Variants in MMAA observed in about 807,000 individuals in gnomAD.
The protein encoded by MMAA is metabolism of cobalamin associated A.
A neutral mutation model predicts 45.0 loss-of-function variants in MMAA; 41 were observed. The observed-to-expected ratio is 0.91, with a 90% CI of 0.71 to 1.18. The LOEUF (loss-of-function observed/expected upper bound fraction) is 1.18. MMAA is among the 50% of genes most tolerant of loss of function. The pLI is 0.00. For missense variants in MMAA, 460 were observed against 495.7 expected, an observed-to-expected ratio of 0.93 and a Z score of 0.68; for synonymous variants, 154 against 178.2, an observed-to-expected ratio of 0.86 and a Z score of 1.08.
intron 1 of MMAA, among the ~76,000 whole-genome samples, chr4:145,638,368 CA>C (rs200582615): frequency 7.6e-4 from 112 of 147,050 alleles, no homozygotes; most frequent in African/African-American, 2.6e-3. Flanking sequence ...GACTCCGTCT[CA>C]AAAAAAAAAG....
chr4:145,624,257 C>T, intron 1 of MMAA: 1 of 801,772 alleles, frequency 1.2e-6, no homozygotes, highest in Non-Finnish European at 2.3e-6. Flanking sequence ...CCATAATGGT[C>T]TGGGGGGAAG....
At position 145,639,095 on chromosome 4, in the gene MMAA, G is replaced by T. The variant is rs376276423; in HGVS notation, c.-45G>T. The T allele has an allele frequency of 2.5e-6, 4 of 1,595,306 alleles. No homozygotes were observed. Among genetic ancestry groups the T allele is most frequent in the Middle Eastern group, 1.7e-4 (1 of 6,036 alleles). On this transcript the variant is annotated 5_prime_UTR_variant, in exon 2 of 7. Transcript: ENST00000649156. ...TCTAGGGAGGTCACAATCACATTGA[G>T]CCAAAACGCATCCAGTGTTTTCTCC...
At position 145,655,637 on chromosome 4, in the gene MMAA, C is replaced by G. The variant is rs1728209390; in HGVS notation, c.*203C>G. On this transcript the variant is annotated 3_prime_UTR_variant, in exon 7 of 7. Transcript: ENST00000649156. ...TTTATAAGGTACCTGTTTTATGTTA[C>G]TGATATCTGTTTCCTTCTCTTCTTA... 3.8e-6 allele frequency: 2 copies of G among 522,320 alleles called. No homozygotes were observed. Among genetic ancestry groups the G allele is most frequent in the Admixed American group, 3.5e-5 (1 of 28,204 alleles). 32.4% of individuals were successfully genotyped at this position (522,320 alleles called of 1,614,324 possible).
rs1463649639 is a variant in MMAA, at chr4:145,657,119, A to G, written c.*1685A>G. ...CAGTGTAAGTAATGCTGGAGCACAC[A>G]TACTGCATTGTAAAGAAGGTAGGAA... is the stretch of plus-strand genomic sequence containing the variant. On this transcript the variant is annotated 3_prime_UTR_variant, in exon 7 of 7. Transcript: ENST00000649156. The G allele has an allele frequency of 6.6e-6, 1 of 152,228 alleles. No homozygotes were observed. Among genetic ancestry groups the G allele is most frequent in the Admixed American group, 6.5e-5 (1 of 15,274 alleles). 9.4% of individuals were successfully genotyped at this position (152,228 alleles called of 1,614,324 possible).
At chr4:145,625,364 T>C in intron 1 of MMAA, 1 of 701,144 alleles carries the variant, frequency 1.4e-6, no homozygotes, top group South Asian at 1.4e-5. Flanking sequence ...GAGCCAGTCC[T>C]GGGGGTTGGT....
intron 2 of MMAA, among the ~76,000 whole-genome samples, chr4:145,641,581 G>A (rs1727785043): frequency 6.6e-6 from 1 of 152,184 alleles, no homozygotes; most frequent in African/African-American, 2.4e-5. Context: ...GCCATGCACT[G>A]TTCTAAACAT....
chr4:145,624,262 G>C (rs1360423014), intron 1 of MMAA: 1 of 800,060 alleles, frequency 1.2e-6, no homozygotes, highest in African/African-American at 1.7e-5. Context: ...ATGGTCTGGG[G>C]GGAAGTTATA....
chr4:145,624,925 A>G (rs899883521), intron 1 of MMAA: 8 of 1,397,104 alleles, frequency 5.7e-6, no homozygotes. Flanking sequence ...AGGCACTTAG[A>G]TTGCCCACGT....
At chr4:145,638,171 C>G (rs1056288845) in intron 1 of MMAA, among the ~76,000 whole-genome samples, 1 of 152,096 alleles carries the variant, frequency 6.6e-6, no homozygotes. Context: ...AGATCGAGAG[C>G]GTCCTGGCTA....
intron 2 of MMAA, chr4:145,639,796 A>G (rs546097020): frequency 1.0e-6 from 1 of 984,468 alleles, no homozygotes; most frequent in Non-Finnish European, 1.2e-6. Flanking sequence ...AGAAAATAAT[A>G]TAAGATTTTT....
At position 145,658,384 on chromosome 4, in the gene MMAA, T is replaced by C. The variant is rs1262225387; in HGVS notation, c.*2950T>C. On this transcript the variant is annotated 3_prime_UTR_variant, in exon 7 of 7. Transcript: ENST00000649156. ...AAAGATAATTCTGAAAAAAATCTCA[T>C]AGGTTCACTTTGCCTTGTCAAGAAT... The C allele has an allele frequency of 6.6e-6, 1 of 152,156 alleles. No individual in the cohort carries two copies. The highest frequency in any genetic ancestry group is 6.5e-5 in the Admixed American group (1 of 15,274). The allele number at this position is 152,156 out of a possible 1,614,324, so 9.4% of individuals were successfully genotyped here.
At position 145,634,527 on chromosome 4, in the gene MMAA, C is replaced by A. The variant is rs546320288; in HGVS notation, c.-65-4548C>A. 4.4e-4 allele frequency among the ~76,000 whole-genome samples: 67 copies of A among 152,094 alleles called. 1 individual carries two copies. Among genetic ancestry groups the A allele is most frequent in the Non-Finnish European group, 9.4e-4 (64 of 67,998 alleles). On this transcript the variant is annotated intron_variant, in intron 1 of 6. Transcript: ENST00000649156. ...AAGAGCCAAGGCCTGGAACTGGGGACCCGAAGAGCCCATTTGTTTCTCTAC... is the reference window on the plus strand; with the variant it reads ...AAGAGCCAAGGCCTGGAACTGGGGAACCGAAGAGCCCATTTGTTTCTCTAC...
Position 145,642,297 on chromosome 4 carries a change from A to G in MMAA, c.440-66A>G, listed in dbSNP as rs964134908. 12 of 1,567,716 alleles carry G rather than the reference A, an allele frequency of 7.7e-6. 1 individual carries two copies. On this transcript the variant is annotated intron_variant, in intron 2 of 6. Coordinates refer to ENST00000649156, the MANE Select transcript of MMAA (RefSeq NM_172250.3). ...TAGAAGGTAGTCTAATATTTTACTCAGTAAAACTGATCGTAGTTCTGATTT... is the reference window on the plus strand; with the variant it reads ...TAGAAGGTAGTCTAATATTTTACTCGGTAAAACTGATCGTAGTTCTGATTT...
At chr4:145,620,121 A>C (rs1734061123) in intron 1 of MMAA, among the ~76,000 whole-genome samples, 1 of 152,242 alleles carries the variant, frequency 6.6e-6, no homozygotes, top group Non-Finnish European at 1.5e-5. Context: ...AGTTTCCAGA[A>C]AAACTGTGTG....
rs1207286428 is a variant in MMAA at position 145,658,381 on chromosome 4, T to C, written c.*2947T>C. 1.3e-5 allele frequency: 2 copies of C among 152,164 alleles called. No individual in the cohort carries two copies. The highest frequency in any genetic ancestry group is 4.8e-5 in the African/African-American group (2 of 41,434). The allele number at this position is 152,164 out of a possible 1,614,324, so 9.4% of individuals were successfully genotyped here. ...TAAAAAGATAATTCTGAAAAAAATC[T>C]CATAGGTTCACTTTGCCTTGTCAAG... is the stretch of plus-strand genomic sequence containing the variant. On this transcript the variant is annotated 3_prime_UTR_variant, in exon 7 of 7. Transcript: ENST00000649156.
At chr4:145,628,908 G>C (rs1734261567) in intron 1 of MMAA, among the ~76,000 whole-genome samples, 1 of 151,932 alleles carries the variant, frequency 6.6e-6, no homozygotes, top group South Asian at 2.1e-4. Flanking sequence ...ATATGGGGAG[G>C]GTGTCAATGT....
At chr4:145,621,582 C>G (rs78606396) in intron 1 of MMAA, among the ~76,000 whole-genome samples, 4,467 of 152,122 alleles carry the variant, frequency 0.029, 87 homozygotes, top group Middle Eastern at 0.078. Flanking sequence ...AAAATAAAGC[C>G]TTCTGTGGTT....
In MMAA at chr4:145,624,469, G is replaced by C. The variant is rs570825066; in HGVS notation, c.-66+5062G>C. The C allele has an allele frequency of 6.9e-6, 6 of 864,134 alleles. No individual in the cohort carries two copies. The African/African-American group carries it at 1.0e-4, about 15-fold the overall frequency. The allele number at this position is 864,134 out of a possible 1,614,324, so 53.5% of individuals were successfully genotyped here. ...TTGCCAGCTTTGTCTTCAGTATTAG[G>C]CCCTTTCTTAGGACTTCCTTCTTTG... is the stretch of plus-strand genomic sequence containing the variant. On this transcript the variant is annotated intron_variant, in intron 1 of 6. Coordinates refer to ENST00000649156, the MANE Select transcript of MMAA (RefSeq NM_172250.3).
At chr4:145,623,883 A>C (rs957554281) in intron 1 of MMAA, among the ~76,000 whole-genome samples, 1 of 152,174 alleles carries the variant, frequency 6.6e-6, no homozygotes, top group African/African-American at 2.4e-5. Context: ...AAAAAGACAT[A>C]CCCACAAAGA....
Sources: gnomAD v4.1 joint callset for allele counts (sites outside exome capture counted in the v4.1 genomes callset) on GRCh38, gnomAD v4.1.1 for gene constraint, MANE v1.5 for transcripts, NCBI Gene and HGNC (gene_info 2026-07-23, HGNC 2026-07-21) for gene names.